The following STK32B variants were observed in gnomAD, a reference collection of about 807,000 sequenced individuals.
The protein encoded by STK32B is serine/threonine kinase 32B.
STK32B carries 43 observed loss-of-function variants against 52.6 expected under a neutral mutation model. That is an observed-to-expected ratio of 0.82 (90% CI 0.64 to 1.05). The LOEUF (loss-of-function observed/expected upper bound fraction) is 1.05. Ranked by LOEUF, STK32B falls within the 50% of genes least tolerant of loss-of-function variation. The probability of loss-of-function intolerance (pLI) is 0.00; values close to 1 mark genes in which losing one functional copy is unlikely to be tolerated. For synonymous variants in STK32B, 238 were observed against 204.3 expected (o/e 1.17, Z -1.41); for missense variants, 621 against 534.6 (o/e 1.16, Z -1.59).
chr4:5,135,327 C>A (rs895090099), intron 1 of STK32B, among the ~76,000 whole-genome samples: 1 of 152,208 alleles, frequency 6.6e-6, no homozygotes, highest in Non-Finnish European at 1.5e-5. Context: ...CAACATCACC[C>A]AGCCACAGCC....
rs908754747 is a variant in STK32B, at chr4:5,081,352, C to G, written c.52+29437C>G. Among the ~76,000 whole-genome samples the G allele has an allele frequency of 3.9e-5, 6 of 152,148 alleles. No individual in the cohort carries two copies. In the South Asian group the frequency reaches 1.0e-3, roughly 26 times the overall value. On this transcript the variant is annotated intron_variant, in intron 1 of 11. Coordinates refer to ENST00000282908, the MANE Select transcript of STK32B (RefSeq NM_018401.3). ...GCAATGTGTTTTTGTAAAATCTTGT[C>G]TGGGTTCAACTACTTGAAACCTTTA...
At chr4:5,304,756 GTTCCAGTTATC>G (rs60700179) in intron 3 of STK32B, among the ~76,000 whole-genome samples, 19,365 of 151,832 alleles carry the variant, frequency 0.13, 2,663 homozygotes, top group African/African-American at 0.35. Context: ...TCCTTGTCTT[GTTCCAGTTATC>G]GGGGAGGGGG....
At chr4:5,250,680 A>G (rs891454218) in intron 3 of STK32B, among the ~76,000 whole-genome samples, 2 of 152,188 alleles carry the variant, frequency 1.3e-5, no homozygotes, top group African/African-American at 4.8e-5. Flanking sequence ...CTTTTCTACC[A>G]GCAGTGTATA....
intron 2 of STK32B, among the ~76,000 whole-genome samples, chr4:5,157,311 A>AAAAAAAAAAAAAAAAAAC (rs1560183950): frequency 6.6e-6 from 1 of 151,198 alleles, no homozygotes; most frequent in Non-Finnish European, 1.5e-5. Flanking sequence ...AAAAAAAAAA[A>AAAAAAAAAAAAAAAAAAC]AAAAAAAAAG....
intron 1 of STK32B, among the ~76,000 whole-genome samples, chr4:5,106,758 A>G (rs1201569148): frequency 6.6e-6 from 1 of 151,998 alleles, no homozygotes; most frequent in Non-Finnish European, 1.5e-5. Flanking sequence ...TTTCCATGCT[A>G]TTTACTTGTG....
rs115941191 is a variant in STK32B, at chr4:5,291,358, A to G, written c.261-39862A>G. Among the ~76,000 whole-genome samples, 540 of 152,250 alleles carry G rather than the reference A, an allele frequency of 3.5e-3. 4 individuals carry two copies. The highest frequency in any genetic ancestry group is 0.013 in the African/African-American group (523 of 41,560). On this transcript the variant is annotated intron_variant, in intron 3 of 11. Coordinates refer to ENST00000282908, the MANE Select transcript of STK32B (RefSeq NM_018401.3). ...AATGATGTTTTGTAGTTTTCAGTGTAAAAGTCTTGTACTGCTTTCACCAAA... is the reference window on the plus strand; with the variant it reads ...AATGATGTTTTGTAGTTTTCAGTGTGAAAGTCTTGTACTGCTTTCACCAAA...
chr4:5,265,751 G>C (rs1212221544), intron 3 of STK32B, among the ~76,000 whole-genome samples: 1 of 151,724 alleles, frequency 6.6e-6, no homozygotes, highest in Non-Finnish European at 1.5e-5. Flanking sequence ...TTAGTCTTTG[G>C]CCTATTTTTA....
chr4:5,246,003 A>G (rs1347052018), intron 3 of STK32B, among the ~76,000 whole-genome samples: 1 of 152,124 alleles, frequency 6.6e-6, no homozygotes, highest in Non-Finnish European at 1.5e-5. Flanking sequence ...GCTGCCCTTA[A>G]CACTTTTTCC....
At chr4:5,278,875 A>G (rs1666706496) in intron 3 of STK32B, among the ~76,000 whole-genome samples, 1 of 152,152 alleles carries the variant, frequency 6.6e-6, no homozygotes, top group South Asian at 2.1e-4. Context: ...GGGAAGCACT[A>G]CACACTTTTA....
At chr4:5,372,562 C>A (rs1255794660) in intron 4 of STK32B, among the ~76,000 whole-genome samples, 1 of 152,100 alleles carries the variant, frequency 6.6e-6, no homozygotes, top group South Asian at 2.1e-4. Flanking sequence ...ATACACTAGA[C>A]CAAAAATTTC....
intron 3 of STK32B, among the ~76,000 whole-genome samples, chr4:5,196,170 C>A (rs928856013): frequency 6.6e-6 from 1 of 151,996 alleles, no homozygotes; most frequent in African/African-American, 2.4e-5. Flanking sequence ...TCTTGCTCTG[C>A]GTTCCACAGG....
At chr4:5,407,538 C>CA (rs1491397818) in intron 5 of STK32B, among the ~76,000 whole-genome samples, 1 of 152,100 alleles carries the variant, frequency 6.6e-6, no homozygotes, top group African/African-American at 2.4e-5. Flanking sequence ...TTAATTGACT[C>CA]ACAGTTCCAC....
intron 3 of STK32B, among the ~76,000 whole-genome samples, chr4:5,293,214 C>G (rs992119000): frequency 6.6e-6 from 1 of 151,956 alleles, no homozygotes; most frequent in Non-Finnish European, 1.5e-5. Flanking sequence ...GGGTTGGTTC[C>G]AAGTTTTTGC....
chr4:5,127,488 T>C lies in STK32B; in HGVS notation c.53-12417T>C, dbSNP rs141657433. Among the ~76,000 whole-genome samples, 199 of 152,292 alleles carry C rather than the reference T, an allele frequency of 1.3e-3. 2 individuals are homozygous for C. Among genetic ancestry groups the C allele is most frequent in the African/African-American group, 4.6e-3 (189 of 41,534 alleles). ...CATCATTTATTGAACCTCTTATTCA[T>C]GTCAGGTGCTGTTTTGGGTGAGCAA... On this transcript the variant is annotated intron_variant, in intron 1 of 11. Coordinates refer to ENST00000282908, the MANE Select transcript of STK32B (RefSeq NM_018401.3).
chr4:5,464,211 C>G (rs1481683715), intron 9 of STK32B, among the ~76,000 whole-genome samples: 2 of 152,204 alleles, frequency 1.3e-5, no homozygotes, highest in African/African-American at 4.8e-5. Context: ...TCCCCATGAA[C>G]CAAACACCTC....
intron 4 of STK32B, among the ~76,000 whole-genome samples, chr4:5,361,581 T>C (rs1279258125): frequency 1.3e-5 from 2 of 152,286 alleles, no homozygotes; most frequent in Non-Finnish European, 2.9e-5. Flanking sequence ...CCCAGGCTGG[T>C]CTCAAACTCC....
chr4:5,432,152 G>T (rs369855160), intron 6 of STK32B: 23 of 152,174 alleles, frequency 1.5e-4, no homozygotes, highest in African/African-American at 5.1e-4. Flanking sequence ...TTATTCCATG[G>T]AATCTGAAAC....
At chr4:5,231,614 A>G (rs546601110) in intron 3 of STK32B, among the ~76,000 whole-genome samples, 76 of 152,320 alleles carry the variant, frequency 5.0e-4, no homozygotes, top group African/African-American at 1.8e-3. Context: ...TCTGTCTCAA[A>G]AACAGAAACA....
intron 3 of STK32B, among the ~76,000 whole-genome samples, chr4:5,179,910 G>C (rs1186155384): frequency 2.0e-5 from 3 of 152,218 alleles, no homozygotes; most frequent in Admixed American, 6.5e-5. Context: ...CCTGCCAGCT[G>C]AACAGCCCCA....
Sources: gnomAD v4.1 joint callset for allele counts (sites outside exome capture counted in the v4.1 genomes callset) on GRCh38, gnomAD v4.1.1 for gene constraint, MANE v1.5 for transcripts, NCBI Gene and HGNC (gene_info 2026-07-23, HGNC 2026-07-21) for gene names.